The following KIF26B variants were observed in gnomAD, a reference collection of about 807,000 sequenced individuals.
KIF26B encodes kinesin-like protein KIF26B.
Under a neutral mutation model 151.2 loss-of-function variants are expected in KIF26B, and 63 were observed. That is an observed-to-expected ratio of 0.42 (90% CI 0.34 to 0.51). KIF26B has a LOEUF of 0.51. KIF26B is among the 20% of genes least tolerant of loss of function. The pLI, the probability that KIF26B is intolerant of heterozygous loss-of-function variation, is 0.07. For synonymous variants in KIF26B, 1,357 were observed against 1,262.1 expected (o/e 1.08, Z -1.59); for missense variants, 2,813 against 2,913.6 (o/e 0.97, Z 0.79).
chr1:245,431,438 G>A (rs572577147), intron 4 of KIF26B, among the ~76,000 whole-genome samples: 9 of 151,328 alleles, frequency 5.9e-5, no homozygotes, highest in Admixed American at 3.3e-4. Flanking sequence ...TCTGCCTCCC[G>A]GCTTCAGGCG....
intron 9 of KIF26B, among the ~76,000 whole-genome samples, chr1:245,626,666 T>C (rs1454023269): frequency 2.0e-5 from 3 of 152,200 alleles, no homozygotes; most frequent in Non-Finnish European, 1.5e-5. Context: ...ATATTTTTTT[T>C]CCATTCTGCA....
intron 2 of KIF26B, among the ~76,000 whole-genome samples, chr1:245,169,328 GGTGT>G (rs58501579): frequency 6.7e-4 from 90 of 134,176 alleles, no homozygotes; most frequent in Middle Eastern, 3.6e-3. Flanking sequence ...AACGGGCCAT[GGTGT>G]GTGTGTGTGT....
At chr1:245,445,588 T>G (rs972132169) in intron 4 of KIF26B, among the ~76,000 whole-genome samples, 1 of 152,244 alleles carries the variant, frequency 6.6e-6, no homozygotes, top group Admixed American at 6.5e-5. Flanking sequence ...ACACATAGGC[T>G]ATTCTATTTT....
intron 5 of KIF26B, among the ~76,000 whole-genome samples, chr1:245,580,982 G>A (rs2043170164): frequency 6.6e-6 from 1 of 152,228 alleles, no homozygotes; most frequent in Admixed American, 6.5e-5. Flanking sequence ...CGAGACAAGG[G>A]TTTTGTCCTG....
chr1:245,360,285 T>A (rs1672789192), intron 2 of KIF26B, among the ~76,000 whole-genome samples: 1 of 152,312 alleles, frequency 6.6e-6, no homozygotes, highest in African/African-American at 2.4e-5. Flanking sequence ...TCCTCCTAGA[T>A]AAAAGACAGC....
At chr1:245,493,965 C>A (rs1483146168) in intron 4 of KIF26B, among the ~76,000 whole-genome samples, 3 of 152,018 alleles carry the variant, frequency 2.0e-5, no homozygotes, top group Non-Finnish European at 4.4e-5. Context: ...AGCAAAAAAA[C>A]CATTTTTAGT....
At chr1:245,212,589 A>G (rs1669561372) in intron 2 of KIF26B, among the ~76,000 whole-genome samples, 1 of 152,136 alleles carries the variant, frequency 6.6e-6, no homozygotes, top group South Asian at 2.1e-4. Flanking sequence ...CTCTTTTGCT[A>G]CCATCGAGAG....
At position 245,367,887 on chromosome 1, in the gene KIF26B, A is replaced by T. The variant is rs1490255481; in HGVS notation, c.999+520A>T. On this transcript the variant is annotated intron_variant, in intron 3 of 14. Transcript: ENST00000407071. The surrounding 1 kb of genome is among the most constrained non-coding windows in gnomAD (Gnocchi z 4.2). ...TGACATGTAGGCCAACACCTGCCAT[A>T]TAGTAGGGGATCATTGTTGTGCCTG... Among the ~76,000 whole-genome samples the T allele has an allele frequency of 6.6e-6, 1 of 152,258 alleles. No homozygotes were observed. The highest frequency in any genetic ancestry group is 1.5e-5 in the Non-Finnish European group (1 of 68,052).
intron 3 of KIF26B, among the ~76,000 whole-genome samples, chr1:245,382,437 A>G (rs1382892488): frequency 6.6e-6 from 1 of 152,178 alleles, no homozygotes; most frequent in African/African-American, 2.4e-5. Flanking sequence ...ATCCCCTAGT[A>G]TAGCATCTAT....
intron 3 of KIF26B, 140 bp from the exon 4 acceptor site, chr1:245,419,439 G>A: frequency 1.6e-6 from 1 of 612,596 alleles, no homozygotes; most frequent in Non-Finnish European, 2.7e-6. Flanking sequence ...GTAGCCCTAA[G>A]CATCCACGTG....
chr1:245,350,862 A>C (rs900472944), intron 2 of KIF26B, among the ~76,000 whole-genome samples: 74 of 152,276 alleles, frequency 4.9e-4, no homozygotes, highest in African/African-American at 1.8e-3. Context: ...ACTATCTCCA[A>C]AGCATTTAAT....
rs2043063392 is a variant in KIF26B at position 245,571,183 on chromosome 1, G to A, written c.1350+30233G>A. On this transcript the variant is annotated intron_variant, in intron 5 of 14. Transcript: ENST00000407071. The stretch of plus-strand genomic sequence containing the variant: ...AAAACACCTAGTAAGTACCCCTTGT[G>A]TGGAAAGCCCTGTACTTGCCTTTGG... Among the ~76,000 whole-genome samples the A allele has an allele frequency of 2.0e-5, 3 of 152,188 alleles. No individual in the cohort carries two copies. The South Asian group carries it at 6.2e-4, about 32-fold the overall frequency.
chr1:245,357,655 G>C (rs1672729462), intron 2 of KIF26B, among the ~76,000 whole-genome samples: 1 of 152,088 alleles, frequency 6.6e-6, no homozygotes, highest in East Asian at 1.9e-4. Context: ...ACCCCCAAAA[G>C]TTTTCTCATG....
chr1:245,314,434 A>G (rs1671724594), intron 2 of KIF26B, among the ~76,000 whole-genome samples: 1 of 152,178 alleles, frequency 6.6e-6, no homozygotes, highest in African/African-American at 2.4e-5. Flanking sequence ...CCTGGGCGAC[A>G]GAGCGAGACT....
Position 245,188,152 on chromosome 1 carries a change from C to T in KIF26B, c.465+31469C>T, listed in dbSNP as rs147765646. On this transcript the variant is annotated intron_variant, in intron 2 of 14. Transcript: ENST00000407071. ...AAAATTAGCCAGGTGTGGTGGCACA[C>T]GCTTGTAATCCCAGCTACTTGGGAG... is the stretch of plus-strand genomic sequence containing the variant. 5.8e-3 allele frequency among the ~76,000 whole-genome samples: 887 copies of T among 151,994 alleles called. 11 individuals carry two copies. Among genetic ancestry groups the T allele is most frequent in the African/African-American group, 0.02 (845 of 41,452 alleles).
intron 4 of KIF26B, among the ~76,000 whole-genome samples, chr1:245,440,409 A>T (rs1366995426): frequency 6.6e-6 from 1 of 152,148 alleles, no homozygotes; most frequent in Non-Finnish European, 1.5e-5. Context: ...TAAGTTTTGG[A>T]ACTATCTCTT....
chr1:245,646,178 T>A lies in KIF26B; in HGVS notation c.2156T>A (p.Leu719His). 1 of 1,614,008 alleles carries A rather than the reference T, an allele frequency of 6.2e-7. No homozygotes were observed. The highest frequency in any genetic ancestry group is 2.2e-5 in the East Asian group (1 of 44,882). The change falls in exon 10 of 15, where the codon CTT (leucine) becomes CAT (histidine). Residue 719 changes from leucine (L) to histidine (H), a missense_variant. This residue lies in a region of KIF26B where 2,060 missense variants were observed against 2,088.6 expected (regional missense o/e 0.99). Transcript: ENST00000407071. ...GATCTCGGCAGCTGTGTGAAAGCTC[T>A]TAGCAAAAATCGAGAAGGAGGCTCA... ...LIDLGSCVKALSKNREGGSGL... is the reference protein window; with the variant it reads ...LIDLGSCVKAHSKNREGGSGL...
chr1:245,508,375 T>G (rs1247273290), intron 4 of KIF26B, among the ~76,000 whole-genome samples: 2 of 152,116 alleles, frequency 1.3e-5, no homozygotes, highest in African/African-American at 2.4e-5. Flanking sequence ...CAAGTAGCTG[T>G]GACTACTGGC....
At chr1:245,548,841 TCAAG>T (rs1055732741) in intron 5 of KIF26B, among the ~76,000 whole-genome samples, 7 of 152,090 alleles carry the variant, frequency 4.6e-5, no homozygotes, top group African/African-American at 1.7e-4. Flanking sequence ...CCTCCCGGTT[TCAAG>T]CAATTCTCCT....
Sources: allele counts gnomAD v4.1 joint callset (sites outside exome capture counted in the v4.1 genomes callset), GRCh38; gene constraint gnomAD v4.1.1; regional missense constraint gnomAD v4.1.1; non-coding constraint Gnocchi (gnomAD v3.1); transcripts MANE v1.5; gene names NCBI Gene and HGNC (gene_info 2026-07-23, HGNC 2026-07-21).